The following SHROOM2 variants were observed in gnomAD, a reference collection of about 807,000 sequenced individuals.
SHROOM2 encodes shroom family member 2.
In SHROOM2, 33 loss-of-function variants were observed where a neutral mutation model predicts 75.9. The observed-to-expected ratio is 0.43, with a 90% CI of 0.33 to 0.58. The LOEUF is 0.58. Ranked by LOEUF, SHROOM2 falls within the 20% of genes least tolerant of loss-of-function variation. SHROOM2 has a pLI of 0.04. For synonymous variants in SHROOM2, 655 were observed against 663.6 expected, an observed-to-expected ratio of 0.99 and a Z score of 0.20; for missense variants, 1,434 against 1,461.2, an observed-to-expected ratio of 0.98 and a Z score of 0.30.
chrX:9,855,449 A>G (rs1049438052), intron 1 of SHROOM2, among the ~76,000 whole-genome samples: 2 of 110,617 alleles, frequency 1.8e-5, no homozygotes, highest in African/African-American at 6.6e-5. Context: ...TGTTTTTAGA[A>G]TTTGGGGGCA....
chrX:9,848,034 G>A (rs1442539599), intron 1 of SHROOM2, among the ~76,000 whole-genome samples: 1 of 111,812 alleles, frequency 8.9e-6, no homozygotes, highest in Non-Finnish European at 1.9e-5. Flanking sequence ...TTCTCAGCAG[G>A]TCAATACTCC....
chrX:9,794,621 A>G (rs1388151159), intron 1 of SHROOM2, among the ~76,000 whole-genome samples: 2 of 111,486 alleles, frequency 1.8e-5, no homozygotes, highest in Non-Finnish European at 3.8e-5. Context: ...CGCCCACCTC[A>G]GCCTCCCAAA....
intron 5 of SHROOM2, among the ~76,000 whole-genome samples, chrX:9,909,277 T>A (rs2084408414): frequency 8.9e-6 from 1 of 112,334 alleles, no homozygotes; most frequent in Non-Finnish European, 1.9e-5. Context: ...TGGATTATAA[T>A]CCAATATATA....
chrX:9,802,681 T>C (rs2083729955), intron 1 of SHROOM2, among the ~76,000 whole-genome samples: 1 of 111,637 alleles, frequency 9.0e-6, no homozygotes, highest in Non-Finnish European at 1.9e-5. Flanking sequence ...GCCTGGCATG[T>C]AATAGATCCT....
intron 1 of SHROOM2, among the ~76,000 whole-genome samples, chrX:9,795,835 G>A (rs6640508): frequency 0.34 from 36,704 of 109,382 alleles, 5,898 homozygotes; most frequent in Non-Finnish European, 0.49. Context: ...GTAATGGGAA[G>A]TCTGCCAGTT....
At chrX:9,908,868 C>A (rs1368937658) in intron 5 of SHROOM2, among the ~76,000 whole-genome samples, 1 of 110,051 alleles carries the variant, frequency 9.1e-6, no homozygotes, top group Non-Finnish European at 1.9e-5. Context: ...TCGCTTGAGC[C>A]TGGGAGGTCA....
chrX:9,892,567 C>G (rs939901887), intron 3 of SHROOM2, among the ~76,000 whole-genome samples: 32 of 112,267 alleles, frequency 2.9e-4, no homozygotes, highest in African/African-American at 1.0e-3. Flanking sequence ...AACATGCACA[C>G]TGCCCACATC....
chrX:9,844,494 A>G (rs752551837), intron 1 of SHROOM2, among the ~76,000 whole-genome samples: 1 of 109,888 alleles, frequency 9.1e-6, no homozygotes, highest in Non-Finnish European at 1.9e-5. Flanking sequence ...CCTGGTCCAC[A>G]GAGCAAGACC....
intron 2 of SHROOM2, among the ~76,000 whole-genome samples, chrX:9,889,485 G>A (rs1357851245): frequency 8.9e-6 from 1 of 111,857 alleles, no homozygotes; most frequent in Non-Finnish European, 1.9e-5. Context: ...TTCCTACCAT[G>A]AGGCTGGAGA....
chrX:9,861,968 A>G (rs1425153052), intron 1 of SHROOM2, among the ~76,000 whole-genome samples: 1 of 111,695 alleles, frequency 9.0e-6, no homozygotes, highest in Non-Finnish European at 1.9e-5. Flanking sequence ...CGGAAGCCAC[A>G]CAGTAGTTGG....
chrX:9,895,400 GAC>G lies in SHROOM2; in HGVS notation c.1496_1497del (p.Thr499SerfsTer25), dbSNP rs2147017170. The G allele has an allele frequency of 1.7e-6, 2 of 1,205,657 alleles. No homozygotes were observed. Among genetic ancestry groups the G allele is most frequent in the Non-Finnish European group, 2.2e-6 (2 of 892,764 alleles). On this transcript the variant is annotated frameshift_variant, in exon 4 of 10. Transcript: ENST00000380913. LOFTEE classifies it high-confidence loss of function. ...AQLWAGCWPS[D>X]TALGALESLP... is the part of the protein sequence containing the mutation. ...GCTCTGGGCGGGATGCTGGCCTTCT[GAC>G]ACAGCCCTTGGAGCCCTCGAGAGTC...
chrX:9,807,024 C>G (rs923360855), intron 1 of SHROOM2, among the ~76,000 whole-genome samples: 6 of 111,749 alleles, frequency 5.4e-5, no homozygotes, highest in African/African-American at 1.6e-4. Flanking sequence ...ACGCCTGGCC[C>G]AACTTTAATC....
At chrX:9,831,733 G>A (rs1439872700) in intron 1 of SHROOM2, among the ~76,000 whole-genome samples, 1 of 111,815 alleles carries the variant, frequency 8.9e-6, no homozygotes, top group Non-Finnish European at 1.9e-5. Context: ...CAAGATCGAG[G>A]CGTGGCAGAT....
intron 5 of SHROOM2, among the ~76,000 whole-genome samples, chrX:9,902,916 A>AT (rs1252707532): frequency 8.9e-6 from 1 of 111,960 alleles, no homozygotes; most frequent in Non-Finnish European, 1.9e-5. Flanking sequence ...TCAGGCTTGT[A>AT]TTTTGTTGGG....
intron 1 of SHROOM2, among the ~76,000 whole-genome samples, chrX:9,799,901 C>A (rs1334314183): frequency 2.7e-5 from 3 of 111,299 alleles, no homozygotes; most frequent in East Asian, 2.8e-4. Context: ...TTGTGTGTTG[C>A]TGAGGCCCTT....
intron 1 of SHROOM2, among the ~76,000 whole-genome samples, chrX:9,792,099 TA>T: frequency 1.2e-4 from 2 of 16,246 alleles, no homozygotes; most frequent in African/African-American, 3.4e-4. Flanking sequence ...TAGAATAGAA[TA>T]GAATAGAATA....
At position 9,896,186 on chromosome X, in the gene SHROOM2, T is replaced by C. The variant is rs780645917; in HGVS notation, c.2278T>C (p.Leu760=). Residue 760 remains leucine (L), a synonymous_variant, in exon 4 of 10, where the codon TTG becomes CTG. Transcript: ENST00000380913. ...GRRRFTAEQK[L]KSYSEPEKMN... ...GAGACGGTTCACAGCTGAGCAGAAA[T>C]TGAAGTCCTACTCGGAACCTGAGAA... 7 of 1,209,250 alleles carry C rather than the reference T, an allele frequency of 5.8e-6. No homozygotes were observed. In the African/African-American group the frequency reaches 1.2e-4, roughly 21 times the overall value.
intron 1 of SHROOM2, among the ~76,000 whole-genome samples, chrX:9,807,549 C>A (rs185818093): frequency 2.6e-3 from 287 of 111,851 alleles, no homozygotes; most frequent in Middle Eastern, 0.014. Flanking sequence ...TAGCAACAGG[C>A]GTGTCACATA....
intron 5 of SHROOM2, chrX:9,913,305 G>A (rs2084450293): frequency 8.9e-6 from 1 of 112,722 alleles, no homozygotes; most frequent in African/African-American, 3.2e-5. Flanking sequence ...TGTTCCCTGA[G>A]TGCGTTTGCA....
Sources: gnomAD v4.1 joint callset for allele counts (sites outside exome capture counted in the v4.1 genomes callset) on GRCh38, gnomAD v4.1.1 for gene constraint, MANE v1.5 for transcripts, NCBI Gene and HGNC (gene_info 2026-07-23, HGNC 2026-07-21) for gene names.